Variants in THNSL2 observed in about 807,000 individuals in gnomAD.
The protein encoded by THNSL2 is threonine synthase-like 2.
A neutral mutation model predicts 40.0 loss-of-function variants in THNSL2; 34 were observed. That is an observed-to-expected ratio of 0.85 (90% CI 0.65 to 1.13). THNSL2 has a LOEUF of 1.13. THNSL2 is among the 50% of genes most tolerant of loss of function. The probability of loss-of-function intolerance (pLI) is 0.00; values close to 1 mark genes in which losing one functional copy is unlikely to be tolerated. For missense variants in THNSL2, 537 were observed against 608.8 expected (o/e 0.88, Z 1.24); for synonymous variants, 241 against 247.5 (o/e 0.97, Z 0.25).
In THNSL2 at chr2:88,174,776, A is replaced by G. The variant is rs143018511; in HGVS notation, c.361A>G (p.Thr121Ala). Residue 121 changes from threonine (T) to alanine (A), a missense_variant, in exon 3 of 9, where the codon ACA becomes GCA. Physicochemically the swap from Thr to Ala is moderately conservative, Grantham distance 58 (BLOSUM62 0). Coordinates refer to ENST00000674334, the MANE Select transcript of THNSL2 (RefSeq NM_018271.5). ...AFKDLSLSCT[T>A]QFLQYFLEKR... ...TAAGGACCTGTCCCTGTCCTGCACA[A>G]CACAGTTCCTGCAGTACTTCCTGGA... 4.0e-5 allele frequency: 65 copies of G among 1,614,090 alleles called. No individual in the cohort carries two copies. The highest frequency in any genetic ancestry group is 5.3e-5 in the Non-Finnish European group (62 of 1,180,058).
In THNSL2 at chr2:88,183,092, A is replaced by G; in HGVS notation, c.1077+19A>G. The G allele has an allele frequency of 6.2e-7, 1 of 1,607,524 alleles. No individual in the cohort carries two copies. Among genetic ancestry groups the G allele is most frequent in the African/African-American group, 1.3e-5 (1 of 74,904 alleles). On this transcript the variant is annotated intron_variant, in intron 7 of 8. Transcript: ENST00000674334. ...CAGCAAGGTCAGTCACTACCCACAC[A>G]CCACAGAGAAAGGAAAGGGTACAGC...
intron 4 of THNSL2, 106 bp downstream of exon 4, chr2:88,175,507 C>A: frequency 7.1e-7 from 1 of 1,398,930 alleles, no homozygotes; most frequent in Non-Finnish European, 9.8e-7. Flanking sequence ...AGCTGACTGT[C>A]CTCCTTTCAT....
At chr2:88,172,472 G>T (rs1222116541) in intron 1 of THNSL2, 1 of 152,214 alleles carries the variant, frequency 6.6e-6, no homozygotes, top group Non-Finnish European at 1.5e-5. Flanking sequence ...TAGGACATGG[G>T]ACTTGCAGTT....
At position 88,185,491 on chromosome 2, in the gene THNSL2, G is replaced by C. The variant is rs1212342094; in HGVS notation, c.1229+12G>C. The stretch of plus-strand genomic sequence containing the variant: ...AGGCAGCAGCCCAGGTACAGGCAAT[G>C]GGGGCCTGGGCCACTGAGGGACCAT... On this transcript the variant is annotated intron_variant, in intron 8 of 8. Coordinates refer to ENST00000674334, the MANE Select transcript of THNSL2 (RefSeq NM_018271.5). 6.3e-7 allele frequency: 1 copy of C among 1,597,320 alleles called. No individual in the cohort carries two copies. The highest frequency in any genetic ancestry group is 1.3e-5 in the African/African-American group (1 of 74,464).
intron 2 of THNSL2, among the ~76,000 whole-genome samples, chr2:88,173,626 A>T (rs1433620363): frequency 1.1e-5 from 1 of 92,608 alleles, no homozygotes; most frequent in Non-Finnish European, 2.7e-5. Context: ...CTTTTTCTTT[A>T]AAAAAAAAAA....
At chr2:88,177,031 G>A (rs986191075) in intron 4 of THNSL2, 2 of 152,234 alleles carry the variant, frequency 1.3e-5, no homozygotes, top group East Asian at 3.9e-4. Flanking sequence ...AGACCTAAGG[G>A]TGTGAGTGAA....
At position 88,178,868 on chromosome 2, in the gene THNSL2, C is replaced by G. The variant is rs765673533; in HGVS notation, c.657C>G (p.Ser219Arg). ...VAFVKKHNLM[S>R]LNSINWSRVL... ...TTGTCAAGAAGCACAATCTGATGAG[C>G]CTGAATTCGATCAACTGGTCCCGGG... Residue 219 changes from serine (S) to arginine (R), a missense_variant, in exon 5 of 9, where the codon AGC becomes AGG. Ser to Arg is a moderately radical substitution (Grantham distance 110, BLOSUM62 -1). Transcript: ENST00000674334. The G allele has an allele frequency of 6.2e-7, 1 of 1,614,052 alleles. No individual in the cohort carries two copies. The highest frequency in any genetic ancestry group is 1.7e-5 in the Admixed American group (1 of 60,002).
intron 6 of THNSL2, 32 bp downstream of exon 6, chr2:88,182,879 C>T (rs1244957895): frequency 1.2e-6 from 2 of 1,612,072 alleles, no homozygotes; most frequent in Admixed American, 1.7e-5. Context: ...AGATCTGGCC[C>T]AGGTGTTGGT....
intron 5 of THNSL2, among the ~76,000 whole-genome samples, chr2:88,181,915 G>A (rs749713678): frequency 1.3e-5 from 2 of 152,074 alleles, no homozygotes; most frequent in African/African-American, 2.4e-5. Context: ...TTCCCGTAGC[G>A]TGATGTTTTC....
chr2:88,174,589 G>A (rs1676701223), intron 2 of THNSL2, 50 bp from the exon 3 acceptor site: 3 of 1,565,406 alleles, frequency 1.9e-6, no homozygotes, highest in African/African-American at 2.7e-5. Context: ...GAGGGAACTT[G>A]AGAAAGAGAC....
intron 8 of THNSL2, 25 bp from the exon 9 acceptor site, chr2:88,185,873 G>C (rs1878810): frequency 0.85 from 1,336,412 of 1,574,434 alleles, 568,040 homozygotes; most frequent in East Asian, 0.92. Flanking sequence ...TGTCCTCCGG[G>C]TGCCACCTGC....
Position 88,175,329 on chromosome 2 carries a change from A to C in THNSL2, c.499A>C (p.Lys167Gln). 1 of 1,614,200 alleles carries C rather than the reference A, an allele frequency of 6.2e-7. No homozygotes were observed. Among genetic ancestry groups the C allele is most frequent in the Non-Finnish European group, 8.5e-7 (1 of 1,180,040 alleles). ...CATGGACATTATCGTTCTGCTGCCC[A>C]AAGGTCACTGCACAAAGATTCAGGA... ...KNMDIIVLLP[K>Q]GHCTKIQELQ... is the part of the protein sequence containing the mutation. The change falls in exon 4 of 9, where the codon AAA becomes CAA. Residue 167 changes from lysine to glutamine, a missense_variant. Coordinates refer to ENST00000674334, the MANE Select transcript of THNSL2 (RefSeq NM_018271.5).
rs1357803788 is a variant in THNSL2 at position 88,186,101 on chromosome 2, A to G, written c.1433A>G (p.His478Arg). Residue 478 changes from histidine (H) to arginine (R), a missense_variant, in exon 9 of 9, where the codon CAT becomes CGT. His to Arg is a conservative substitution (Grantham distance 29). Transcript: ENST00000674334. ...GACCTTAGCCGACAGTGGAGGAGTC[A>G]TGCCCTCAACACCTCCCAGTAGCCT... is the stretch of plus-strand genomic sequence containing the variant. Reference protein sequence around the residue: ...IEDLSRQWRSHALNTSQ With the variant: ...IEDLSRQWRSRALNTSQ The G allele has an allele frequency of 6.4e-7, 1 of 1,558,032 alleles. No individual in the cohort carries two copies. The highest frequency in any genetic ancestry group is 8.7e-7 in the Non-Finnish European group (1 of 1,150,390).
At chr2:88,183,283 C>A in intron 7 of THNSL2, 1 of 566,228 alleles carries the variant, frequency 1.8e-6, no homozygotes, top group Non-Finnish European at 2.9e-6. Flanking sequence ...AGCTCAATCC[C>A]AAGTGAGCTC....
chr2:88,182,800 C>G lies in THNSL2; in HGVS notation c.904C>G (p.Leu302Val). The change falls in exon 6 of 9, where the codon CTC becomes GTC. Residue 302 changes from leucine to valine, a missense_variant. Coordinates refer to ENST00000674334, the MANE Select transcript of THNSL2 (RefSeq NM_018271.5). ...GACTGTCCAGCAGGGAGACTTCTCT[C>G]TCTCTGAGGCTGTTAAATCAACCTT... ...HRTVQQGDFS[L>V]SEAVKSTLAS... 1 of 1,614,162 alleles carries G rather than the reference C, an allele frequency of 6.2e-7. No individual in the cohort carries two copies.
At chr2:88,185,682 T>A in intron 8 of THNSL2, 2 of 1,551,088 alleles carry the variant, frequency 1.3e-6, no homozygotes, top group Non-Finnish European at 1.7e-6. Context: ...TGGTCAGAGG[T>A]GGTGGCTGAG....
intron 8 of THNSL2, 193 bp downstream of exon 8, chr2:88,185,672 T>C (rs1257563414): frequency 1.3e-6 from 2 of 1,551,406 alleles, no homozygotes; most frequent in Admixed American, 2.0e-5. Context: ...GGGACAGCCA[T>C]GGTCAGAGGT....
At position 88,173,256 on chromosome 2, in the gene THNSL2, C is replaced by T. The variant is rs771748148; in HGVS notation, c.106C>T (p.Pro36Ser). The change falls in exon 2 of 9, where the codon CCA (proline) becomes TCA (serine). Residue 36 changes from proline (P) to serine (S), a missense_variant. Transcript: ENST00000674334. ...GGGCCTCTTTATGCCTGAAGAGCTC[C>T]CACAGTTGGACAGAGGGACCCTGTG... ...DGGLFMPEEL[P>S]QLDRGTLCQW... The T allele has an allele frequency of 6.2e-7, 1 of 1,612,130 alleles. No individual in the cohort carries two copies. The highest frequency in any genetic ancestry group is 1.3e-5 in the African/African-American group (1 of 74,878).
Position 88,186,256 on chromosome 2 carries a change from C to A in THNSL2, c.*133C>A, listed in dbSNP as rs544433458. 4.4e-4 allele frequency: 395 copies of A among 905,604 alleles called. No individual in the cohort carries two copies. Among genetic ancestry groups the A allele is most frequent in the Non-Finnish European group, 6.5e-4 (379 of 585,866 alleles). 56.1% of individuals were successfully genotyped at this position (905,604 alleles called of 1,614,324 possible). On this transcript the variant is annotated 3_prime_UTR_variant, in exon 9 of 9. Transcript: ENST00000674334. Reference sequence around the variant, plus strand: ...GCTGCTCAGCTGGATCTGGAGCCAGCTGGCTTTGCTCCGTTCCCTGGCTAG... The same window carrying A: ...GCTGCTCAGCTGGATCTGGAGCCAGATGGCTTTGCTCCGTTCCCTGGCTAG...
Sources: allele counts gnomAD v4.1 joint callset (sites outside exome capture counted in the v4.1 genomes callset), GRCh38; gene constraint gnomAD v4.1.1; transcripts MANE v1.5; gene names NCBI Gene and HGNC (gene_info 2026-07-23, HGNC 2026-07-21).